The following CTTNBP2 variants were observed in gnomAD, a reference collection of about 807,000 sequenced individuals.
CTTNBP2 encodes cortactin-binding protein 2.
Under a neutral mutation model 156.9 loss-of-function variants are expected in CTTNBP2, and 108 were observed. That is an observed-to-expected ratio of 0.69 (90% CI 0.59 to 0.81). The LOEUF (loss-of-function observed/expected upper bound fraction) is 0.81, where lower values mean the gene tolerates loss of function less well. CTTNBP2 is among the 30% of genes least tolerant of loss of function. The pLI is 0.00. For missense variants in CTTNBP2, 1,924 were observed against 2,035.4 expected, an observed-to-expected ratio of 0.95 and a Z score of 1.05; for synonymous variants, 767 against 751.8, an observed-to-expected ratio of 1.02 and a Z score of -0.33.
In CTTNBP2 at chr7:117,728,260, C is replaced by A. The variant is rs1481363036; in HGVS notation, c.3884G>T (p.Gly1295Val). ...LRRKVVNKFKGQAPSPCDPVC... is the reference protein window; with the variant it reads ...LRRKVVNKFKVQAPSPCDPVC... The stretch of plus-strand genomic sequence containing the variant: ...AGGATCGCAGGGGGAGGGCGCCTGA[C>A]CTTTGAACTAGAGAGACAGGGAGGT... Residue 1295 changes from glycine to valine, a missense_variant, in exon 17 of 23, where the codon GGT becomes GTT. Gly to Val is a moderately radical substitution (Grantham distance 109). Transcript: ENST00000160373. The A allele has an allele frequency of 1.9e-6, 3 of 1,612,192 alleles. No homozygotes were observed. The highest frequency in any genetic ancestry group is 2.5e-6 in the Non-Finnish European group (3 of 1,179,050).
intron 8 of CTTNBP2, among the ~76,000 whole-genome samples, chr7:117,770,270 G>A (rs1338634084): frequency 1.3e-5 from 2 of 152,328 alleles, no homozygotes; most frequent in East Asian, 1.9e-4. Context: ...GGCCGTCAAA[G>A]TAGGTTATTT....
intron 1 of CTTNBP2, among the ~76,000 whole-genome samples, 177 bp from the exon 2 acceptor site, chr7:117,861,493 C>T (rs138947301): frequency 6.6e-6 from 1 of 152,252 alleles, no homozygotes; most frequent in African/African-American, 2.4e-5. Context: ...GAGGTAAAAA[C>T]TATAACGCCA....
intron 3 of CTTNBP2, among the ~76,000 whole-genome samples, chr7:117,796,548 T>C (rs1351029306): frequency 6.6e-6 from 1 of 152,250 alleles, no homozygotes; most frequent in Admixed American, 6.5e-5. Context: ...GTGTGACCTT[T>C]GTAAGTTCTC....
intron 2 of CTTNBP2, among the ~76,000 whole-genome samples, chr7:117,821,588 A>ATTTT (rs61303861): frequency 1.5e-5 from 2 of 134,696 alleles, no homozygotes; most frequent in Admixed American, 7.5e-5. Flanking sequence ...TCTGTTTAGG[A>ATTTT]TTTTTTTTTT....
chr7:117,765,321 C>T (rs1797429124), intron 9 of CTTNBP2, among the ~76,000 whole-genome samples: 1 of 152,138 alleles, frequency 6.6e-6, no homozygotes, highest in Admixed American at 6.5e-5. Context: ...CATATCCTGT[C>T]TTTTTTACTT....
chr7:117,817,361 A>AATATATATATATATATAT (rs59036381), intron 2 of CTTNBP2, among the ~76,000 whole-genome samples: 1 of 53,298 alleles, frequency 1.9e-5, no homozygotes, highest in African/African-American at 7.5e-5. Context: ...AAAAAAAAAA[A>AATATATATATATATATAT]ATATATATAT....
intron 2 of CTTNBP2, among the ~76,000 whole-genome samples, chr7:117,850,514 A>G (rs1802874048): frequency 6.6e-6 from 1 of 152,150 alleles, no homozygotes; most frequent in Non-Finnish European, 1.5e-5. Flanking sequence ...GCATACAAGG[A>G]GAGATCAAAA....
chr7:117,814,285 A>G (rs1314875129), intron 2 of CTTNBP2, among the ~76,000 whole-genome samples: 1 of 150,386 alleles, frequency 6.6e-6, no homozygotes, highest in Non-Finnish European at 1.5e-5. Context: ...AGTTTTTTAC[A>G]TGTGTATTTT....
In CTTNBP2 at chr7:117,791,892, G is replaced by A. The variant is rs1799039592; in HGVS notation, c.1304C>T (p.Thr435Ile). The change falls in exon 4 of 23, where the codon ACC becomes ATC. Residue 435 changes from threonine (T) to isoleucine (I), a missense_variant. Coordinates refer to ENST00000160373, the MANE Select transcript of CTTNBP2 (RefSeq NM_033427.3). ...MHSLHSPCAN[T>I]SLHPGLNPRI... Reference sequence around the variant, plus strand: ...TGGGTTTAGACCTGGATGCAAAGAGGTGTTGGCACATGGTGAATGTAAACT... The same window carrying A: ...TGGGTTTAGACCTGGATGCAAAGAGATGTTGGCACATGGTGAATGTAAACT... The A allele has an allele frequency of 6.2e-7, 1 of 1,614,182 alleles. No individual in the cohort carries two copies. Among genetic ancestry groups the A allele is most frequent in the East Asian group, 2.2e-5 (1 of 44,876 alleles).
intron 3 of CTTNBP2, among the ~76,000 whole-genome samples, chr7:117,805,598 G>A (rs944187744): frequency 6.6e-6 from 1 of 152,152 alleles, no homozygotes; most frequent in Non-Finnish European, 1.5e-5. Flanking sequence ...TACATCTCCG[G>A]GGAATCCCTT....
At position 117,773,898 on chromosome 7, in the gene CTTNBP2, T is replaced by G. The variant is rs182013633; in HGVS notation, c.2778+3613A>C. 7.5e-4 allele frequency among the ~76,000 whole-genome samples: 114 copies of G among 152,090 alleles called. 1 individual carries two copies. Among genetic ancestry groups the G allele is most frequent in the African/African-American group, 2.5e-3 (105 of 41,464 alleles). On this transcript the variant is annotated intron_variant, in intron 8 of 22. Transcript: ENST00000160373. ...GGAAGCCACTGGCTTCGGCAACACA[T>G]AAGCGAGAACCATAACCTCCTCCTG... is the stretch of plus-strand genomic sequence containing the variant.
In CTTNBP2 at chr7:117,791,329, G is replaced by A; in HGVS notation, c.1867C>T (p.Pro623Ser). The change falls in exon 4 of 23, where the codon CCT (proline) becomes TCT (serine). Residue 623 changes from proline (P) to serine (S), a missense_variant. Physicochemically the swap from Pro to Ser is moderately conservative, Grantham distance 74. Coordinates refer to ENST00000160373, the MANE Select transcript of CTTNBP2 (RefSeq NM_033427.3). ...AGGGCTGAAACGGCACAGCCTGCAG[G>A]TGCCACAGTTAAATCTATGGATGGT... ...PKPSIDLTVA[P>S]AGCAVSALAT... The A allele has an allele frequency of 6.2e-7, 1 of 1,614,196 alleles. No individual in the cohort carries two copies. Among genetic ancestry groups the A allele is most frequent in the East Asian group, 2.2e-5 (1 of 44,882 alleles).
At chr7:117,834,749 A>T (rs2117097280) in intron 2 of CTTNBP2, among the ~76,000 whole-genome samples, 1 of 152,382 alleles carries the variant, frequency 6.6e-6, no homozygotes, top group South Asian at 2.1e-4. Context: ...ACATTAAGAG[A>T]AATCTTATTT....
chr7:117,802,445 AAAAAAAAAAAAAC>A (rs1200530451), intron 3 of CTTNBP2, among the ~76,000 whole-genome samples: 141 of 142,976 alleles, frequency 9.9e-4, no homozygotes, highest in African/African-American at 3.3e-3. Flanking sequence ...GGCAAAAAAA[AAAAAAAAAAAAAC>A]AAAAACAAAC....
chr7:117,860,997 C>T (rs567806996), intron 2 of CTTNBP2, among the ~76,000 whole-genome samples: 1 of 152,270 alleles, frequency 6.6e-6, no homozygotes, highest in African/African-American at 2.4e-5. Flanking sequence ...AGTTTCGTCT[C>T]GGCCCCCAGC....
chr7:117,832,980 C>T (rs966644195), intron 2 of CTTNBP2, among the ~76,000 whole-genome samples: 4 of 151,808 alleles, frequency 2.6e-5, no homozygotes, highest in African/African-American at 9.7e-5. Context: ...TGGTCTCAAA[C>T]TCCTGAACTT....
At chr7:117,720,788 T>C (rs1426046749) in intron 20 of CTTNBP2, among the ~76,000 whole-genome samples, 12 of 152,252 alleles carry the variant, frequency 7.9e-5, no homozygotes, top group Non-Finnish European at 1.8e-4. Context: ...CAAAATTTGA[T>C]CAAATGAAAC....
At chr7:117,872,434 C>T (rs1304479358) in intron 1 of CTTNBP2, among the ~76,000 whole-genome samples, 1 of 152,186 alleles carries the variant, frequency 6.6e-6, no homozygotes, top group Non-Finnish European at 1.5e-5. Flanking sequence ...CAGCTCCTTG[C>T]AGCTCCTGCG....
intron 15 of CTTNBP2, 81 bp from the exon 16 acceptor site, chr7:117,735,181 C>T (rs745324453): frequency 2.8e-5 from 45 of 1,587,438 alleles, no homozygotes; most frequent in Non-Finnish European, 3.9e-5. Flanking sequence ...ACGTAAAGAA[C>T]ATGAAGTATA....
Sources: allele counts gnomAD v4.1 joint callset (sites outside exome capture counted in the v4.1 genomes callset), GRCh38; gene constraint gnomAD v4.1.1; transcripts MANE v1.5; gene names NCBI Gene and HGNC (gene_info 2026-07-23, HGNC 2026-07-21).